EFCAB5: variants seen among roughly 807,000 people sequenced by gnomAD.
EFCAB5 encodes the protein EF-hand calcium binding domain 5, also known as EF-hand calcium-binding domain-containing protein 5.
A neutral mutation model predicts 167.9 loss-of-function variants in EFCAB5; 131 were observed. That is an observed-to-expected ratio of 0.78 (90% CI 0.68 to 0.90). The LOEUF (loss-of-function observed/expected upper bound fraction) is 0.90. Ranked by LOEUF, EFCAB5 falls within the 40% of genes least tolerant of loss-of-function variation. The pLI is 0.00. For synonymous variants in EFCAB5, 574 were observed against 602.8 expected, an observed-to-expected ratio of 0.95 and a Z score of 0.70; for missense variants, 1,663 against 1,745.2, an observed-to-expected ratio of 0.95 and a Z score of 0.84.
chr17:30,062,334 A>G (rs1167765897), intron 14 of EFCAB5, among the ~76,000 whole-genome samples: 1 of 152,186 alleles, frequency 6.6e-6, no homozygotes, highest in Non-Finnish European at 1.5e-5. Context: ...ACAGAAGGCG[A>G]TGCCAGGTCT....
chr17:29,990,377 A>G (rs550233671), intron 4 of EFCAB5, among the ~76,000 whole-genome samples: 3 of 152,146 alleles, frequency 2.0e-5, no homozygotes, highest in Middle Eastern at 3.4e-3. Flanking sequence ...CCTCCTGTTC[A>G]TTTAATTTCA....
At chr17:30,100,073 T>C (rs912548782) in intron 22 of EFCAB5, among the ~76,000 whole-genome samples, 2 of 152,204 alleles carry the variant, frequency 1.3e-5, no homozygotes, top group African/African-American at 4.8e-5. Flanking sequence ...GATTCTGGGA[T>C]ATACAGAAGG....
chr17:30,096,677 A>ATATATATATATATATATT (rs1193558323), intron 22 of EFCAB5, among the ~76,000 whole-genome samples: 1 of 60,120 alleles, frequency 1.7e-5, no homozygotes, highest in African/African-American at 8.4e-5. Context: ...ATATATATAT[A>ATATATATATATATATATT]TTTTTTTTTT....
intron 4 of EFCAB5, among the ~76,000 whole-genome samples, chr17:29,972,331 G>T (rs559227404): frequency 2.1e-4 from 32 of 151,866 alleles, no homozygotes; most frequent in Admixed American, 7.9e-4. Flanking sequence ...TTACAGGCGT[G>T]AGTCACCGCG....
chr17:30,064,956 A>G (rs1158543758), intron 14 of EFCAB5, among the ~76,000 whole-genome samples: 2 of 152,216 alleles, frequency 1.3e-5, no homozygotes, highest in African/African-American at 2.4e-5. Flanking sequence ...AGAATAGTAT[A>G]CCCAGAAAAA....
intron 8 of EFCAB5, among the ~76,000 whole-genome samples, chr17:30,042,544 A>G (rs1485469312): frequency 6.6e-6 from 1 of 152,194 alleles, no homozygotes; most frequent in Non-Finnish European, 1.5e-5. Context: ...ATTACATTAA[A>G]TGGATAAATT....
At chr17:30,004,787 A>ATTTTTTTTTTTTTT (rs60231360) in intron 7 of EFCAB5, among the ~76,000 whole-genome samples, 4 of 115,116 alleles carry the variant, frequency 3.5e-5, no homozygotes, top group African/African-American at 1.0e-4. Context: ...CTCCTGGCTA[A>ATTTTTTTTTTTTTT]TTTTTTTTTT....
In EFCAB5 at chr17:30,092,176, A is replaced by G; in HGVS notation, c.4224+19A>G. On this transcript the variant is annotated intron_variant, in intron 21 of 22. Coordinates refer to ENST00000394835, the MANE Select transcript of EFCAB5 (RefSeq NM_198529.4). ...TAAATTTGTAAGTTTTTTTTTAAAA[A>G]GCACCTTTTAAATTGAAGAATCGCC... 4 of 1,594,238 alleles carry G rather than the reference A, an allele frequency of 2.5e-6. No homozygotes were observed. The highest frequency in any genetic ancestry group is 3.4e-6 in the Non-Finnish European group (4 of 1,170,466).
At chr17:30,021,297 C>T (rs1305237417) in intron 7 of EFCAB5, among the ~76,000 whole-genome samples, 2 of 147,950 alleles carry the variant, frequency 1.4e-5, no homozygotes, top group Middle Eastern at 3.3e-3. Flanking sequence ...CCATTTTCTC[C>T]TTTGTGTCAT....
chr17:29,998,067 T>A lies in EFCAB5; in HGVS notation c.973+1707T>A, dbSNP rs1050514742. ...TTTTGTTACATTGACAACAATACAT[T>A]GTCTGAAGTCTGTTGTCACTTTTAA... is the stretch of plus-strand genomic sequence containing the variant. On this transcript the variant is annotated intron_variant, in intron 6 of 22. Coordinates refer to ENST00000394835, the MANE Select transcript of EFCAB5 (RefSeq NM_198529.4). Among the ~76,000 whole-genome samples, 3 of 152,300 alleles carry A rather than the reference T, an allele frequency of 2.0e-5. No individual in the cohort carries two copies. In the East Asian group the frequency reaches 5.8e-4, roughly 29 times the overall value.
chr17:29,993,491 C>T (rs762221178), intron 5 of EFCAB5, among the ~76,000 whole-genome samples, 170 bp downstream of exon 5: 1 of 148,984 alleles, frequency 6.7e-6, no homozygotes, highest in African/African-American at 2.5e-5. Flanking sequence ...TTCTTTTGAG[C>T]ATTACCAAAA....
intron 4 of EFCAB5, among the ~76,000 whole-genome samples, chr17:29,985,277 A>G (rs1353612405): frequency 6.6e-6 from 1 of 152,210 alleles, no homozygotes; most frequent in East Asian, 1.9e-4. Context: ...TTGGCTAGAT[A>G]AAGGCAATTA....
At chr17:29,981,091 G>T (rs1238986392) in intron 4 of EFCAB5, among the ~76,000 whole-genome samples, 2 of 152,086 alleles carry the variant, frequency 1.3e-5, no homozygotes, top group African/African-American at 2.4e-5. Flanking sequence ...ACATCCAGTT[G>T]CCTTCTTCCA....
At position 30,034,215 on chromosome 17, in the gene EFCAB5, T is replaced by C. The variant is rs1205981317; in HGVS notation, c.1045-15T>C. ...TTTTAAGTCAATCGTTTATCCTCTT[T>C]TTTTTCCCCTGTAGTACATCTCTTC... On this transcript the variant is annotated splice_polypyrimidine_tract_variant and intron_variant, in intron 7 of 22. Coordinates refer to ENST00000394835, the MANE Select transcript of EFCAB5 (RefSeq NM_198529.4). 3 of 1,611,582 alleles carry C rather than the reference T, an allele frequency of 1.9e-6. No individual in the cohort carries two copies. The Admixed American group carries it at 5.0e-5, about 27-fold the overall frequency.
At chr17:30,025,334 C>A (rs2069288742) in intron 7 of EFCAB5, among the ~76,000 whole-genome samples, 1 of 152,102 alleles carries the variant, frequency 6.6e-6, no homozygotes, top group Non-Finnish European at 1.5e-5. Context: ...AAAAAACAAA[C>A]AAACCCATCA....
At chr17:30,073,795 A>T (rs1246749717) in intron 14 of EFCAB5, 7 of 532,738 alleles carry the variant, frequency 1.3e-5, no homozygotes, top group Admixed American at 2.9e-5. Context: ...GCACTGTGAC[A>T]CTCACCTGTA....
At chr17:30,024,612 G>A (rs1181549863) in intron 7 of EFCAB5, among the ~76,000 whole-genome samples, 1 of 151,830 alleles carries the variant, frequency 6.6e-6, no homozygotes, top group Admixed American at 6.6e-5. Flanking sequence ...TACTGCCCAA[G>A]GTAATTTATA....
chr17:30,029,561 C>CT (rs35394158), intron 7 of EFCAB5, among the ~76,000 whole-genome samples: 180 of 140,608 alleles, frequency 1.3e-3, no homozygotes, highest in Middle Eastern at 3.7e-3. Flanking sequence ...TAGCACTAAT[C>CT]TTTTTTTTTT....
At chr17:30,024,358 A>C (rs1014103615) in intron 7 of EFCAB5, among the ~76,000 whole-genome samples, 2 of 152,210 alleles carry the variant, frequency 1.3e-5, no homozygotes, top group Non-Finnish European at 2.9e-5. Flanking sequence ...ATCAATGTAC[A>C]AAAATAACAA....
Sources: gnomAD v4.1 joint callset for allele counts (sites outside exome capture counted in the v4.1 genomes callset) on GRCh38, gnomAD v4.1.1 for gene constraint, MANE v1.5 for transcripts, NCBI Gene and HGNC (gene_info 2026-07-23, HGNC 2026-07-21) for gene names.